The following MMP15 variants were observed in gnomAD, a reference collection of about 807,000 sequenced individuals.
MMP15 encodes matrix metallopeptidase 15.
In MMP15, 36 loss-of-function variants were observed where a neutral mutation model predicts 65.0. That is an observed-to-expected ratio of 0.55 (90% CI 0.42 to 0.73). The LOEUF (loss-of-function observed/expected upper bound fraction) is 0.73. Ranked by LOEUF, MMP15 falls within the 30% of genes least tolerant of loss-of-function variation. The pLI, the probability that MMP15 is intolerant of heterozygous loss-of-function variation, is 0.00. For missense variants in MMP15, 870 were observed against 987.8 expected (o/e 0.88, Z 1.60); for synonymous variants, 428 against 410.2 (o/e 1.04, Z -0.52).
chr16:58,030,243 C>T (rs1278534007), intron 1 of MMP15, among the ~76,000 whole-genome samples: 1 of 152,142 alleles, frequency 6.6e-6, no homozygotes, highest in East Asian at 1.9e-4. Context: ...GAGAAGCCCA[C>T]CATTGAGTGT....
chr16:58,038,441 G>T (rs370932363), intron 3 of MMP15, 47 bp downstream of exon 3: 1 of 1,608,640 alleles, frequency 6.2e-7, no homozygotes, highest in South Asian at 1.1e-5. Flanking sequence ...TCGGCAGGCC[G>T]AGCCTCAGAC....
chr16:58,044,046 C>T (rs1312727793), intron 9 of MMP15, among the ~76,000 whole-genome samples: 5 of 152,128 alleles, frequency 3.3e-5, no homozygotes, highest in Admixed American at 6.5e-5. Flanking sequence ...AAAATCCTCC[C>T]AGGGCATCAC....
chr16:58,026,809 G>A (rs1472715356), intron 1 of MMP15, among the ~76,000 whole-genome samples: 3 of 152,216 alleles, frequency 2.0e-5, no homozygotes, highest in African/African-American at 7.2e-5. Flanking sequence ...TGTCCCGGGA[G>A]CCGCTTCCGC....
At position 58,035,178 on chromosome 16, in the gene MMP15, G is replaced by T. The variant is rs185298078; in HGVS notation, c.163-2294G>T. On this transcript the variant is annotated intron_variant, in intron 1 of 9. Coordinates refer to ENST00000219271, the MANE Select transcript of MMP15 (RefSeq NM_002428.4). ...CACCTTCAGGGAAACTGTCCTTTAAGGATGGTGGATCTGCTGCTCCACACC... is the reference window on the plus strand; with the variant it reads ...CACCTTCAGGGAAACTGTCCTTTAATGATGGTGGATCTGCTGCTCCACACC... 1.8e-4 allele frequency among the ~76,000 whole-genome samples: 28 copies of T among 152,336 alleles called. No homozygotes were observed. In the East Asian group the frequency reaches 5.4e-3, roughly 29 times the overall value.
chr16:58,042,463 T>C, intron 7 of MMP15, 94 bp downstream of exon 7: 1 of 1,515,524 alleles, frequency 6.6e-7, no homozygotes, highest in Non-Finnish European at 9.0e-7. Flanking sequence ...AGGGTTGCAT[T>C]GCATGTCTGG....
At chr16:58,029,883 A>G (rs1236026458) in intron 1 of MMP15, among the ~76,000 whole-genome samples, 1 of 152,100 alleles carries the variant, frequency 6.6e-6, no homozygotes, top group Non-Finnish European at 1.5e-5. Context: ...CAGGATGGCT[A>G]CACTGCAGGC....
chr16:58,027,919 A>G (rs1251315643), intron 1 of MMP15, among the ~76,000 whole-genome samples: 15 of 149,482 alleles, frequency 1.0e-4, no homozygotes, highest in Non-Finnish European at 1.8e-4. Flanking sequence ...GTTGGTGAGG[A>G]TTACCCCTCA....
In MMP15 at chr16:58,045,251, C is replaced by G; in HGVS notation, c.1815C>G (p.Val605=). 1 of 1,607,728 alleles carries G rather than the reference C, an allele frequency of 6.2e-7. No homozygotes were observed. Among genetic ancestry groups the G allele is most frequent in the Non-Finnish European group, 8.5e-7 (1 of 1,178,184 alleles). ...GDGDGDFGAG[V]NKDGGSRVVV... is the part of the protein sequence containing the mutation. The stretch of plus-strand genomic sequence containing the variant: ...GGGATGGGGACTTTGGGGCCGGGGT[C>G]AACAAGGACGGGGGCAGCCGCGTGG... Residue 605 remains valine, a synonymous_variant, in exon 10 of 10, where the codon GTC becomes GTG. Coordinates refer to ENST00000219271, the MANE Select transcript of MMP15 (RefSeq NM_002428.4).
At chr16:58,027,000 C>T (rs1963829322) in intron 1 of MMP15, among the ~76,000 whole-genome samples, 1 of 152,248 alleles carries the variant, frequency 6.6e-6, no homozygotes, top group African/African-American at 2.4e-5. Flanking sequence ...GGCCTCCCGT[C>T]TGGGTGATAC....
intron 6 of MMP15, 85 bp from the exon 7 acceptor site, chr16:58,042,146 C>A: frequency 6.6e-7 from 1 of 1,522,008 alleles, no homozygotes; most frequent in Non-Finnish European, 8.9e-7. Flanking sequence ...CCCACCCTCA[C>A]CTGGGAAGGG....
At chr16:58,033,184 G>A (rs531997889) in intron 1 of MMP15, among the ~76,000 whole-genome samples, 3 of 152,354 alleles carry the variant, frequency 2.0e-5, no homozygotes, top group Non-Finnish European at 4.4e-5. Flanking sequence ...AGACCCGGCC[G>A]GAGATGTCGG....
chr16:58,042,088 C>T, intron 6 of MMP15, 143 bp from the exon 7 acceptor site: 1 of 1,194,092 alleles, frequency 8.4e-7, no homozygotes, highest in South Asian at 1.6e-5. Flanking sequence ...GCAGCCCTGG[C>T]TTTCCAAGCC....
At chr16:58,043,864 C>T (rs1959502354) in intron 9 of MMP15, among the ~76,000 whole-genome samples, 1 of 152,210 alleles carries the variant, frequency 6.6e-6, no homozygotes, top group African/African-American at 2.4e-5. Context: ...GCAGAGTGCC[C>T]CAAATTCCAC....
At position 58,037,595 on chromosome 16, in the gene MMP15, G is replaced by C; in HGVS notation, c.286G>C (p.Gly96Arg). 6.2e-7 allele frequency: 1 copy of C among 1,614,170 alleles called. No individual in the cohort carries two copies. The highest frequency in any genetic ancestry group is 8.5e-7 in the Non-Finnish European group (1 of 1,180,034). The change falls in exon 2 of 10, where the codon GGT becomes CGT. Residue 96 changes from glycine (G) to arginine (R), a missense_variant. Gly to Arg is a moderately radical substitution (Grantham distance 125). Coordinates refer to ENST00000219271, the MANE Select transcript of MMP15 (RefSeq NM_002428.4). Reference protein sequence around the residue: ...MQRFYGIPVTGVLDEETKEWM... With the variant: ...MQRFYGIPVTRVLDEETKEWM... ...GCGCTTCTACGGGATCCCAGTCACC[G>C]GTGTGCTCGACGAAGAGACCAAGGA...
intron 1 of MMP15, among the ~76,000 whole-genome samples, chr16:58,035,707 A>T (rs533137272): frequency 6.6e-6 from 1 of 152,260 alleles, no homozygotes; most frequent in South Asian, 2.1e-4. Context: ...CTGTCCCCAG[A>T]GCTGGTGGTG....
At chr16:58,042,628 G>A (rs1274326162) in intron 7 of MMP15, among the ~76,000 whole-genome samples, 1 of 152,212 alleles carries the variant, frequency 6.6e-6, no homozygotes, top group African/African-American at 2.4e-5. Context: ...GCTTCCCTCT[G>A]TCCTTGCCTC....
rs767176418 is a variant in MMP15 at position 58,043,328 on chromosome 16, C to T, written c.1422C>T (p.Pro474=). 7.4e-5 allele frequency: 118 copies of T among 1,605,010 alleles called. 1 individual carries two copies. The South Asian group carries it at 1.3e-3, about 17-fold the overall frequency. Residue 474 remains proline, a synonymous_variant, in exon 8 of 10, where the codon CCC becomes CCT. Transcript: ENST00000219271. ...TTGACACGGCCATCTGGTGGGAGCC[C>T]ACAGGCCACACCTTCTTCTTCCAAG... ...DRIDTAIWWE[P]TGHTFFFQED...
chr16:58,030,530 C>G (rs1157006716), intron 1 of MMP15, among the ~76,000 whole-genome samples: 1 of 152,280 alleles, frequency 6.6e-6, no homozygotes, highest in Admixed American at 6.5e-5. Context: ...GGATAAGCCC[C>G]TGGTACCAGC....
rs1455086335 is a variant in MMP15 at position 58,046,502 on chromosome 16, C to A, written c.*1056C>A. The A allele has an allele frequency of 2.6e-5, 4 of 152,618 alleles. No individual in the cohort carries two copies. Among genetic ancestry groups the A allele is most frequent in the Non-Finnish European group, 5.9e-5 (4 of 68,196 alleles). 9.5% of individuals were successfully genotyped at this position (152,618 alleles called of 1,614,324 possible). ...TGGTGGGGATAGGCCAGCCGCGCAT[C>A]AGACTGTGAACCCCACGAAGGAGCC... On this transcript the variant is annotated 3_prime_UTR_variant, in exon 10 of 10. Transcript: ENST00000219271.
Sources: gnomAD v4.1 joint callset for allele counts (sites outside exome capture counted in the v4.1 genomes callset) on GRCh38, gnomAD v4.1.1 for gene constraint, MANE v1.5 for transcripts, NCBI Gene and HGNC (gene_info 2026-07-23, HGNC 2026-07-21) for gene names.